RTN4RL1: variants seen among roughly 807,000 people sequenced by gnomAD.
RTN4RL1 encodes the protein reticulon-4 receptor-like 1.
RTN4RL1 carries 7 observed loss-of-function variants against 25.6 expected under a neutral mutation model. That is an observed-to-expected ratio of 0.27 (90% CI 0.16 to 0.51). The LOEUF (loss-of-function observed/expected upper bound fraction) is 0.51, where lower values mean the gene tolerates loss of function less well. Ranked by LOEUF, RTN4RL1 falls within the 20% of genes least tolerant of loss-of-function variation. The probability of loss-of-function intolerance (pLI) is 0.97; values close to 1 mark genes in which losing one functional copy is unlikely to be tolerated. For missense variants in RTN4RL1, 500 were observed against 615.6 expected, an observed-to-expected ratio of 0.81 and a Z score of 1.99; for synonymous variants, 297 against 288.2, an observed-to-expected ratio of 1.03 and a Z score of -0.31.
At chr17:1,973,297 T>G (rs2066828462) in intron 1 of RTN4RL1, among the ~76,000 whole-genome samples, 3 of 146,672 alleles carry the variant, frequency 2.0e-5, no homozygotes, top group South Asian at 2.1e-4. Context: ...ACCTGGGAGG[T>G]GAAGGTTGCA....
intron 1 of RTN4RL1, among the ~76,000 whole-genome samples, chr17:1,942,931 A>G (rs1230843085): frequency 1.3e-5 from 2 of 152,186 alleles, no homozygotes; most frequent in East Asian, 3.9e-4. Flanking sequence ...CTCTAAGTAC[A>G]CAGAGCCTCC....
At chr17:1,991,092 T>C (rs2066906469) in intron 1 of RTN4RL1, among the ~76,000 whole-genome samples, 1 of 152,318 alleles carries the variant, frequency 6.6e-6, no homozygotes, top group Middle Eastern at 3.4e-3. Flanking sequence ...AGTCGCAGAT[T>C]CCATTCGATT....
chr17:1,966,028 G>A (rs375176557), intron 1 of RTN4RL1, among the ~76,000 whole-genome samples: 2 of 152,118 alleles, frequency 1.3e-5, no homozygotes, highest in African/African-American at 4.8e-5. Context: ...AGCACATCAC[G>A]AGCGGCTCTG....
At chr17:1,983,807 G>C (rs1194113394) in intron 1 of RTN4RL1, among the ~76,000 whole-genome samples, 1 of 152,172 alleles carries the variant, frequency 6.6e-6, no homozygotes, top group Non-Finnish European at 1.5e-5. Context: ...CTCCCAAAGT[G>C]CTGGGATTAC....
intron 1 of RTN4RL1, among the ~76,000 whole-genome samples, chr17:1,971,722 G>T (rs189446318): frequency 8.5e-5 from 13 of 152,052 alleles, no homozygotes; most frequent in South Asian, 2.1e-4. Context: ...CAGCACTTTG[G>T]GGGGCAGAGG....
At chr17:1,949,241 G>A (rs1323941312) in intron 1 of RTN4RL1, among the ~76,000 whole-genome samples, 3 of 152,062 alleles carry the variant, frequency 2.0e-5, no homozygotes, top group East Asian at 1.9e-4. Flanking sequence ...GATTACAGGC[G>A]TGAGCCACCG....
chr17:2,000,680 T>C (rs113898223), intron 1 of RTN4RL1, among the ~76,000 whole-genome samples: 7,093 of 152,098 alleles, frequency 0.047, 555 homozygotes, highest in African/African-American at 0.16. Flanking sequence ...CCACCACGTC[T>C]GGCTAATTTT....
chr17:1,937,026 G>T lies in RTN4RL1; in HGVS notation c.796C>A (p.Leu266Met), dbSNP rs1369024141. 6.2e-7 allele frequency: 1 copy of T among 1,604,566 alleles called. No individual in the cohort carries two copies. Among genetic ancestry groups the T allele is most frequent in the Non-Finnish European group, 8.5e-7 (1 of 1,178,192 alleles). ...PWDCGCRARS[L>M]WEWLQRFRGS... ...CGGAACCTCTGCAGCCATTCCCACA[G>T]GGAGCGCGCGCGACAACCACAGTCC... Residue 266 changes from leucine (L) to methionine (M), a missense_variant, in exon 2 of 2, where the codon CTG becomes ATG. Transcript: ENST00000331238.
chr17:1,986,808 C>A (rs1306082359), intron 1 of RTN4RL1, among the ~76,000 whole-genome samples: 2 of 151,990 alleles, frequency 1.3e-5, no homozygotes, highest in East Asian at 3.9e-4. Flanking sequence ...GGCAGGCTGA[C>A]CCCAGACTCA....
intron 1 of RTN4RL1, among the ~76,000 whole-genome samples, chr17:2,021,737 T>G (rs964086535): frequency 4.6e-5 from 7 of 151,586 alleles, no homozygotes; most frequent in Non-Finnish European, 1.0e-4. Flanking sequence ...GTATTTTTAG[T>G]AGAGACGGGG....
intron 1 of RTN4RL1, among the ~76,000 whole-genome samples, chr17:1,977,689 C>T (rs1399256499): frequency 1.3e-5 from 2 of 152,128 alleles, no homozygotes; most frequent in Non-Finnish European, 2.9e-5. Flanking sequence ...TGTCATCCGT[C>T]TCCAACTTCT....
Position 1,936,881 on chromosome 17 carries a change from T to C in RTN4RL1, c.941A>G (p.Lys314Arg). ...GTCGGTGGTGGTGAGCGTGTGTGACTTGATCTGGTGCGGGGACGCTGGTCC... is the reference window on the plus strand; with the variant it reads ...GTCGGTGGTGGTGAGCGTGTGTGACCTGATCTGGTGCGGGGACGCTGGTCC... ...CTGPASPHQI[K>R]SHTLTTTDRA... The change falls in exon 2 of 2, where the codon AAG becomes AGG. Residue 314 changes from lysine (K) to arginine (R), a missense_variant. Lys to Arg is a conservative substitution (Grantham distance 26). Coordinates refer to ENST00000331238, the MANE Select transcript of RTN4RL1 (RefSeq NM_178568.4). The C allele has an allele frequency of 6.2e-7, 1 of 1,603,112 alleles. No homozygotes were observed. Among genetic ancestry groups the C allele is most frequent in the Non-Finnish European group, 8.5e-7 (1 of 1,174,760 alleles).
chr17:2,000,518 T>TTTA, intron 1 of RTN4RL1, among the ~76,000 whole-genome samples: 1 of 151,930 alleles, frequency 6.6e-6, no homozygotes, highest in Middle Eastern at 3.4e-3. Context: ...AATTTTAGTA[T>TTTA]TTTATTTATT....
intron 1 of RTN4RL1, among the ~76,000 whole-genome samples, chr17:1,946,568 ATGTG>A (rs763180271): frequency 5.0e-5 from 7 of 141,318 alleles, no homozygotes; most frequent in Non-Finnish European, 1.1e-4. Flanking sequence ...CTCTGTGTGA[ATGTG>A]TGTGTGTGCA....
At chr17:1,996,395 C>G (rs2066929542) in intron 1 of RTN4RL1, among the ~76,000 whole-genome samples, 2 of 150,188 alleles carry the variant, frequency 1.3e-5, no homozygotes, top group South Asian at 2.1e-4. Context: ...CTCCCCTCCC[C>G]CCCGGCCCAA....
intron 1 of RTN4RL1, among the ~76,000 whole-genome samples, chr17:1,965,732 C>A (rs1461255753): frequency 6.6e-6 from 1 of 152,196 alleles, no homozygotes; most frequent in Non-Finnish European, 1.5e-5. Context: ...ACCCCTGGCC[C>A]CGCCAGGCCC....
At chr17:1,999,297 T>G (rs1746784174) in intron 1 of RTN4RL1, among the ~76,000 whole-genome samples, 1 of 151,092 alleles carries the variant, frequency 6.6e-6, no homozygotes, top group Non-Finnish European at 1.5e-5. Flanking sequence ...AATACAAAAA[T>G]TAGCCGGGCG....
intron 1 of RTN4RL1, among the ~76,000 whole-genome samples, chr17:1,982,640 AAAG>A (rs1218681830): frequency 7.6e-6 from 1 of 131,540 alleles, no homozygotes; most frequent in African/African-American, 3.1e-5. Context: ...AAAGAAAAGA[AAAG>A]AAAAGAAACT....
chr17:1,952,334 T>TG (rs1915701384), intron 1 of RTN4RL1, among the ~76,000 whole-genome samples: 3 of 43,784 alleles, frequency 6.9e-5, no homozygotes, highest in Admixed American at 5.4e-4. Context: ...GGAGGTTGGT[T>TG]TTTTTTTTTT....
Sources: allele counts gnomAD v4.1 joint callset (sites outside exome capture counted in the v4.1 genomes callset), GRCh38; gene constraint gnomAD v4.1.1; transcripts MANE v1.5; gene names NCBI Gene and HGNC (gene_info 2026-07-23, HGNC 2026-07-21).